PHLPP1: variants seen among roughly 807,000 people sequenced by gnomAD.
PHLPP1 encodes PH domain and leucine rich repeat protein phosphatase 1.
A neutral mutation model predicts 117.2 loss-of-function variants in PHLPP1; 42 were observed. The ratio of observed to expected loss-of-function variants is 0.36; its 90% CI spans 0.28 to 0.46. PHLPP1 has a LOEUF of 0.46. PHLPP1 is among the 20% of genes least tolerant of loss of function. The pLI is 1.00. For synonymous variants in PHLPP1, 1,042 were observed against 970.7 expected, an observed-to-expected ratio of 1.07 and a Z score of -1.37; for missense variants, 2,084 against 2,241.9, an observed-to-expected ratio of 0.93 and a Z score of 1.42.
chr18:62,853,510 C>T (rs1915413799), intron 3 of PHLPP1, among the ~76,000 whole-genome samples: 1 of 152,076 alleles, frequency 6.6e-6, no homozygotes, highest in Admixed American at 6.6e-5. Context: ...GCTGGGATTA[C>T]AGGTGCCCGC....
At chr18:62,818,796 G>C (rs924220393) in intron 1 of PHLPP1, among the ~76,000 whole-genome samples, 3 of 151,936 alleles carry the variant, frequency 2.0e-5, no homozygotes, top group Admixed American at 2.0e-4. Context: ...GGGTGGGCAA[G>C]GGGGAGGTTA....
intron 3 of PHLPP1, among the ~76,000 whole-genome samples, chr18:62,857,100 G>A (rs1426925967): frequency 3.1e-4 from 2 of 6,554 alleles, no homozygotes; most frequent in Admixed American, 6.5e-3. Context: ...CATGTTGAAT[G>A]AATGAAAATG....
chr18:62,784,222 G>C (rs1481384979), intron 1 of PHLPP1, among the ~76,000 whole-genome samples: 2 of 152,220 alleles, frequency 1.3e-5, no homozygotes, highest in African/African-American at 4.8e-5. Context: ...CACAAATAGA[G>C]GGATTACTTT....
rs377602842 is a variant in PHLPP1 at position 62,717,223 on chromosome 18, G to C, written c.1540G>C (p.Asp514His). The C allele has an allele frequency of 6.2e-7, 1 of 1,603,980 alleles. No homozygotes were observed. The highest frequency in any genetic ancestry group is 1.7e-5 in the Admixed American group (1 of 59,308). Residue 514 changes from aspartate (D) to histidine (H), a missense_variant, in exon 1 of 17, where the codon GAC becomes CAC. This residue lies in a region of PHLPP1 where 1,365 missense variants were observed against 1,605.9 expected (regional missense o/e 0.85). Transcript: ENST00000262719. Reference sequence around the variant, plus strand: ...GTGGAGGGTGCAGGAGGAAGGCATGGACTCGGAGATTGGCTGCCTCATCCG... The same window carrying C: ...GTGGAGGGTGCAGGAGGAAGGCATGCACTCGGAGATTGGCTGCCTCATCCG... ...ELWRVQEEGM[D>H]SEIGCLIRFY...
At chr18:62,935,985 A>G (rs1909957338) in intron 10 of PHLPP1, among the ~76,000 whole-genome samples, 1 of 152,246 alleles carries the variant, frequency 6.6e-6, no homozygotes, top group Non-Finnish European at 1.5e-5. Flanking sequence ...CTTGGGCAAC[A>G]GAGCAAGACT....
chr18:62,915,059 A>C, intron 9 of PHLPP1, 51 bp downstream of exon 9: 1 of 1,317,656 alleles, frequency 7.6e-7, no homozygotes, highest in Non-Finnish European at 1.1e-6. Flanking sequence ...GAGCAATTTT[A>C]AAAATTGCTG....
intron 14 of PHLPP1, among the ~76,000 whole-genome samples, chr18:62,964,853 A>G (rs959144551): frequency 6.6e-6 from 1 of 152,212 alleles, no homozygotes; most frequent in Non-Finnish European, 1.5e-5. Context: ...CTGTATATTA[A>G]TATCTAATAT....
chr18:62,918,704 T>C lies in PHLPP1; in HGVS notation c.2805-1255T>C, dbSNP rs1037828270. Among the ~76,000 whole-genome samples, 105 of 152,178 alleles carry C rather than the reference T, an allele frequency of 6.9e-4. 2 individuals are homozygous for C. Among genetic ancestry groups the C allele is most frequent in the Non-Finnish European group, 2.2e-4 (15 of 68,038 alleles). On this transcript the variant is annotated intron_variant, in intron 9 of 16. Coordinates refer to ENST00000262719, the MANE Select transcript of PHLPP1 (RefSeq NM_194449.4). ...TATTCCCTAATGTTATGGAGATTTT[T>C]AACTCTTGTGGATTGAAGGATACAA...
chr18:62,971,023 AG>A (rs2041196313), intron 14 of PHLPP1, among the ~76,000 whole-genome samples: 1 of 152,100 alleles, frequency 6.6e-6, no homozygotes, highest in Admixed American at 6.5e-5. Context: ...GTTGTTTTCT[AG>A]TTGTTTTCCG....
At chr18:62,726,480 G>T (rs1268312226) in intron 1 of PHLPP1, among the ~76,000 whole-genome samples, 1 of 151,282 alleles carries the variant, frequency 6.6e-6, no homozygotes, top group African/African-American at 2.4e-5. Context: ...TCTGTGTCAT[G>T]CTTAGGAATA....
At chr18:62,717,425 G>A (rs1910791982) in intron 1 of PHLPP1, among the ~76,000 whole-genome samples, 166 bp downstream of exon 1, 1 of 152,126 alleles carries the variant, frequency 6.6e-6, no homozygotes, top group Non-Finnish European at 1.5e-5. Flanking sequence ...GTACTAGATT[G>A]AGCAATCTTT....
intron 1 of PHLPP1, among the ~76,000 whole-genome samples, chr18:62,719,816 C>T (rs902816402): frequency 6.6e-6 from 1 of 152,106 alleles, no homozygotes; most frequent in Non-Finnish European, 1.5e-5. Flanking sequence ...TCTTGAGGGT[C>T]TGCTCTCTTG....
At chr18:62,860,795 C>G (rs1451405635) in intron 4 of PHLPP1, among the ~76,000 whole-genome samples, 194 bp downstream of exon 4, 1 of 152,100 alleles carries the variant, frequency 6.6e-6, no homozygotes, top group Admixed American at 6.6e-5. Context: ...AAGGTTCTTG[C>G]TTTTGAAACT....
chr18:62,811,862 C>G (rs953077964), intron 1 of PHLPP1, among the ~76,000 whole-genome samples: 5 of 152,086 alleles, frequency 3.3e-5, no homozygotes, highest in Non-Finnish European at 7.4e-5. Context: ...AATCCAGACT[C>G]AACATATTTA....
chr18:62,875,284 T>C (rs1371278501), intron 4 of PHLPP1, among the ~76,000 whole-genome samples: 2 of 152,160 alleles, frequency 1.3e-5, no homozygotes, highest in Non-Finnish European at 1.5e-5. Context: ...TTTTATCATA[T>C]ATGATATGGA....
At chr18:62,742,764 A>G (rs558785741) in intron 1 of PHLPP1, among the ~76,000 whole-genome samples, 1 of 151,784 alleles carries the variant, frequency 6.6e-6, no homozygotes, top group East Asian at 1.9e-4. Flanking sequence ...GCTCTATTTT[A>G]CTCTGTTTCT....
At chr18:62,890,905 C>A (rs549484994) in intron 4 of PHLPP1, among the ~76,000 whole-genome samples, 1 of 152,116 alleles carries the variant, frequency 6.6e-6, no homozygotes, top group East Asian at 1.9e-4. Flanking sequence ...CCCATTCTCT[C>A]AAATGGGGAA....
chr18:62,717,310 G>T lies in PHLPP1; in HGVS notation c.1576+51G>T. 4 of 1,520,504 alleles carry T rather than the reference G, an allele frequency of 2.6e-6. No individual in the cohort carries two copies. The Admixed American group carries it at 8.5e-5, about 32-fold the overall frequency. 94.2% of individuals were successfully genotyped at this position (1,520,504 alleles called of 1,614,324 possible). On this transcript the variant is annotated intron_variant, in intron 1 of 16. Coordinates refer to ENST00000262719, the MANE Select transcript of PHLPP1 (RefSeq NM_194449.4). The stretch of plus-strand genomic sequence containing the variant: ...GTGGTTGCAAAAGCTGCCGAGGACC[G>T]AGGAGTGATTCAAATTGCTTGTCAG...
chr18:62,843,926 A>G (rs1386164944), intron 3 of PHLPP1, among the ~76,000 whole-genome samples: 2 of 152,208 alleles, frequency 1.3e-5, no homozygotes, highest in African/African-American at 4.8e-5. Context: ...AAGTGCATTC[A>G]TTGTGGATAT....
Sources: gnomAD v4.1 joint callset for allele counts (sites outside exome capture counted in the v4.1 genomes callset) on GRCh38, gnomAD v4.1.1 for gene constraint, gnomAD v4.1.1 regional missense constraint, MANE v1.5 for transcripts, NCBI Gene and HGNC (gene_info 2026-07-23, HGNC 2026-07-21) for gene names.